Variants in ZHX2 observed in about 807,000 individuals in gnomAD.
The protein encoded by ZHX2 is zinc fingers and homeoboxes 2, also known as zinc fingers and homeoboxes protein 2.
ZHX2 carries 6 observed loss-of-function variants against 21.9 expected under a neutral mutation model. The ratio of observed to expected loss-of-function variants is 0.27; its 90% CI spans 0.15 to 0.54. The LOEUF is 0.54. Ranked by LOEUF, ZHX2 falls within the 20% of genes least tolerant of loss-of-function variation. The pLI is 0.95. For synonymous variants in ZHX2, 434 were observed against 437.1 expected, an observed-to-expected ratio of 0.99 and a Z score of 0.09; for missense variants, 908 against 1,090.7, an observed-to-expected ratio of 0.83 and a Z score of 2.36.
chr8:122,794,490 A>G (rs138303730), intron 1 of ZHX2, among the ~76,000 whole-genome samples: 36 of 152,298 alleles, frequency 2.4e-4, no homozygotes, highest in African/African-American at 8.7e-4. Context: ...AGGTAGCATA[A>G]AAGAGTGAAG....
At chr8:122,871,094 A>C (rs576932716) in intron 2 of ZHX2, among the ~76,000 whole-genome samples, 5 of 152,158 alleles carry the variant, frequency 3.3e-5, no homozygotes, top group African/African-American at 1.2e-4. Context: ...CGTGGCTTCA[A>C]TTCACATCCT....
chr8:122,887,050 C>CGTGTGTGTGTGTGTGT (rs10549696), intron 2 of ZHX2, among the ~76,000 whole-genome samples: 9 of 136,372 alleles, frequency 6.6e-5, no homozygotes, highest in African/African-American at 2.5e-4. Context: ...GCTCTGCCAC[C>CGTGTGTGTGTGTGTGT]GTGTGTGTGT....
At chr8:122,945,669 G>A (rs573004210) in intron 2 of ZHX2, among the ~76,000 whole-genome samples, 10 of 152,226 alleles carry the variant, frequency 6.6e-5, no homozygotes, top group African/African-American at 1.2e-4. Flanking sequence ...GTTATCCCAC[G>A]AGGAGCAGGA....
intron 2 of ZHX2, among the ~76,000 whole-genome samples, chr8:122,910,606 A>AT (rs1156942722): frequency 6.6e-6 from 1 of 152,040 alleles, no homozygotes; most frequent in Non-Finnish European, 1.5e-5. Flanking sequence ...TTGTTGTGGC[A>AT]TTTTTTATGC....
chr8:122,852,428 A>C (rs1377272222), intron 1 of ZHX2, among the ~76,000 whole-genome samples: 1 of 152,078 alleles, frequency 6.6e-6, no homozygotes, highest in African/African-American at 2.4e-5. Flanking sequence ...TTGGAAGTAA[A>C]TACTCTTACT....
intron 1 of ZHX2, among the ~76,000 whole-genome samples, chr8:122,847,838 G>C (rs542658226): frequency 4.9e-4 from 75 of 152,344 alleles, no homozygotes; most frequent in Middle Eastern, 3.4e-3. Flanking sequence ...CTGCAGTCAC[G>C]CCTGAGGAAC....
rs189823465 is a variant in ZHX2, at chr8:122,864,925, C to T, written c.-220+1386C>T. ...CTTCCCCTGGGGTCTGGGTCAGCTG[C>T]AACAGTAAATATTTACCAAGGGCCC... On this transcript the variant is annotated intron_variant, in intron 2 of 3. Transcript: ENST00000314393. Among the ~76,000 whole-genome samples, 464 of 152,262 alleles carry T rather than the reference C, an allele frequency of 3.0e-3. 2 individuals carry two copies. Among genetic ancestry groups the T allele is most frequent in the African/African-American group, 0.011 (438 of 41,538 alleles).
chr8:122,955,008 C>T (rs114683119), intron 3 of ZHX2, among the ~76,000 whole-genome samples: 1,814 of 147,592 alleles, frequency 0.012, 26 homozygotes, highest in African/African-American at 0.043. Flanking sequence ...GCTTGGGTCC[C>T]CATAACCCCT....
chr8:122,958,477 C>G lies in ZHX2; in HGVS notation c.*4+4449C>G, dbSNP rs1813362218. On this transcript the variant is annotated intron_variant, in intron 3 of 3. Coordinates refer to ENST00000314393, the MANE Select transcript of ZHX2 (RefSeq NM_014943.5). ...TCCGTTACTATTGCTAGTGAGGGTT[C>G]CCATTAATTGACACCCACTGTGTGC... Among the ~76,000 whole-genome samples the G allele has an allele frequency of 2.0e-5, 3 of 152,192 alleles. No homozygotes were observed. The South Asian group carries it at 6.2e-4, about 31-fold the overall frequency.
Position 122,834,307 on chromosome 8 carries a change from C to A in ZHX2, c.-282-29170C>A, listed in dbSNP as rs184388800. Among the ~76,000 whole-genome samples, 1,253 of 152,304 alleles carry A rather than the reference C, an allele frequency of 8.2e-3. 15 individuals carry two copies. The highest frequency in any genetic ancestry group is 0.014 in the Middle Eastern group (4 of 294). ...TGAGATCCAAGTAGGAGGTTTTGGCCGGCTCCGGAAGGGATGGGGGCGGTC... is the reference window on the plus strand; with the variant it reads ...TGAGATCCAAGTAGGAGGTTTTGGCAGGCTCCGGAAGGGATGGGGGCGGTC... On this transcript the variant is annotated intron_variant, in intron 1 of 3. Transcript: ENST00000314393.
chr8:122,848,519 T>C (rs1818806496), intron 1 of ZHX2, among the ~76,000 whole-genome samples: 1 of 151,608 alleles, frequency 6.6e-6, no homozygotes, highest in South Asian at 2.1e-4. Flanking sequence ...TGACCACCCC[T>C]CATTAAGGGT....
At chr8:122,911,647 A>AC (rs78616110) in intron 2 of ZHX2, among the ~76,000 whole-genome samples, 1,544 of 152,312 alleles carry the variant, frequency 0.01, 42 homozygotes, top group Admixed American at 0.054. Context: ...AGCCCTGGGG[A>AC]CACAGCAGTG....
chr8:122,930,645 T>G (rs993293558), intron 2 of ZHX2, among the ~76,000 whole-genome samples: 45 of 139,646 alleles, frequency 3.2e-4, no homozygotes, highest in Non-Finnish European at 6.5e-4. Flanking sequence ...CTAATTTTTG[T>G]TTTTTTTTTT....
chr8:122,857,643 A>G (rs553140121), intron 1 of ZHX2, among the ~76,000 whole-genome samples: 7 of 152,054 alleles, frequency 4.6e-5, no homozygotes, highest in African/African-American at 1.7e-4. Flanking sequence ...GTTTTCCACA[A>G]CTCCAGTTAC....
intron 2 of ZHX2, among the ~76,000 whole-genome samples, chr8:122,916,282 G>A (rs560893290): frequency 4.5e-4 from 68 of 152,344 alleles, no homozygotes; most frequent in African/African-American, 1.6e-3. Context: ...GCTGGGCAGG[G>A]TGACCCGGCC....
chr8:122,826,726 T>C (rs903445404), intron 1 of ZHX2, among the ~76,000 whole-genome samples: 10 of 152,082 alleles, frequency 6.6e-5, no homozygotes, highest in African/African-American at 4.8e-5. Flanking sequence ...GGTGGAAGCT[T>C]CTAGAATGTG....
intron 1 of ZHX2, among the ~76,000 whole-genome samples, chr8:122,796,658 A>G (rs1442535381): frequency 6.6e-6 from 1 of 152,232 alleles, no homozygotes; most frequent in Admixed American, 6.5e-5. Flanking sequence ...TTAACAGAAG[A>G]CAAACAACCA....
chr8:122,942,282 A>C (rs565041667), intron 2 of ZHX2, among the ~76,000 whole-genome samples: 19 of 152,216 alleles, frequency 1.2e-4, no homozygotes, highest in African/African-American at 4.1e-4. Flanking sequence ...CCCTCAAAAA[A>C]GATCTACCCT....
intron 1 of ZHX2, chr8:122,810,540 GA>G (rs1687634922): frequency 9.9e-5 from 15 of 152,238 alleles, no homozygotes. Context: ...ACATGAGCAG[GA>G]AACGCGGCCC....
Sources: allele counts gnomAD v4.1 joint callset (sites outside exome capture counted in the v4.1 genomes callset), GRCh38; gene constraint gnomAD v4.1.1; transcripts MANE v1.5; gene names NCBI Gene and HGNC (gene_info 2026-07-23, HGNC 2026-07-21).